The following HLCS variants were observed in gnomAD, a reference collection of about 807,000 sequenced individuals.
HLCS encodes biotin--protein ligase.
HLCS carries 53 observed loss-of-function variants against 75.0 expected under a neutral mutation model. That is an observed-to-expected ratio of 0.71 (90% CI 0.57 to 0.89). HLCS has a LOEUF of 0.89. HLCS is among the 40% of genes least tolerant of loss of function. HLCS has a pLI of 0.00. For synonymous variants in HLCS, 431 were observed against 428.6 expected (o/e 1.01, Z -0.07); for missense variants, 966 against 1,074.0 (o/e 0.90, Z 1.41).
At chr21:36,791,566 T>A (rs1891178186) in intron 6 of HLCS, among the ~76,000 whole-genome samples, 1 of 152,194 alleles carries the variant, frequency 6.6e-6, no homozygotes, top group Admixed American at 6.5e-5. Flanking sequence ...GCGACTTTTC[T>A]CTTACGGTGT....
At chr21:36,902,230 G>C (rs2065265136) in intron 5 of HLCS, among the ~76,000 whole-genome samples, 1 of 152,232 alleles carries the variant, frequency 6.6e-6, no homozygotes, top group Non-Finnish European at 1.5e-5. Context: ...TGGGGCAGTG[G>C]CTAGAGGGAG....
chr21:36,931,886 T>C (rs1294320181), intron 4 of HLCS, among the ~76,000 whole-genome samples: 2 of 152,266 alleles, frequency 1.3e-5, no homozygotes, highest in Non-Finnish European at 1.5e-5. Context: ...GGCCACTGTC[T>C]GTGGGTCCGT....
intron 5 of HLCS, among the ~76,000 whole-genome samples, chr21:36,928,358 C>T (rs551141465): frequency 1.3e-5 from 2 of 152,240 alleles, no homozygotes; most frequent in East Asian, 1.9e-4. Context: ...TGCTTGAACT[C>T]GGGAGTTCAA....
At chr21:36,903,534 G>GT (rs1262967615) in intron 5 of HLCS, among the ~76,000 whole-genome samples, 1 of 152,258 alleles carries the variant, frequency 6.6e-6, no homozygotes, top group Non-Finnish European at 1.5e-5. Flanking sequence ...GAGCTAAGAG[G>GT]TTATTCATCA....
At chr21:36,946,183 T>C (rs1286896978) in intron 2 of HLCS, 2 of 690,418 alleles carry the variant, frequency 2.9e-6, no homozygotes, top group Non-Finnish European at 3.6e-6. Context: ...GTGAAAAAAA[T>C]CTTAGACATT....
chr21:36,798,151 G>T (rs1338072650), intron 6 of HLCS, among the ~76,000 whole-genome samples: 4 of 152,172 alleles, frequency 2.6e-5, no homozygotes, highest in African/African-American at 7.2e-5. Context: ...GCGTGTGCTT[G>T]ACCTGAGGCC....
chr21:36,936,181 C>A (rs769227041), intron 4 of HLCS, among the ~76,000 whole-genome samples: 1 of 152,154 alleles, frequency 6.6e-6, no homozygotes, highest in Non-Finnish European at 1.5e-5. Flanking sequence ...TCTGACTAAG[C>A]CTCAGTTAAC....
Position 36,897,063 on chromosome 21 carries a change from G to A in HLCS, c.1689C>T (p.Gly563=). Residue 563 remains glycine, a synonymous_variant, in exon 6 of 11, where the codon GGC becomes GGT. Coordinates refer to ENST00000674895, the MANE Select transcript of HLCS (RefSeq NM_001352514.2). ...ATGAAACAAATCTAAGAGAGAGCTGGCCGGATTTTATTTCTCCCTCGGAGT... is the reference window on the plus strand; with the variant it reads ...ATGAAACAAATCTAAGAGAGAGCTGACCGGATTTTATTTCTCCCTCGGAGT... ...HVDSEGEIKS[G]QLSLRFVSSY... 1 of 1,614,088 alleles carries A rather than the reference G, an allele frequency of 6.2e-7. No homozygotes were observed. The highest frequency in any genetic ancestry group is 8.5e-7 in the Non-Finnish European group (1 of 1,179,978).
intron 5 of HLCS, among the ~76,000 whole-genome samples, chr21:36,907,483 C>A (rs1292871330): frequency 1.3e-5 from 2 of 152,038 alleles, no homozygotes; most frequent in Non-Finnish European, 2.9e-5. Flanking sequence ...TGGTGAAACC[C>A]CATCTCTACT....
chr21:36,797,352 A>G lies in HLCS; in HGVS notation c.1893-30067T>C, dbSNP rs80334732. 7.6e-3 allele frequency among the ~76,000 whole-genome samples: 1,152 copies of G among 152,158 alleles called. 5 individuals carry two copies. The highest frequency in any genetic ancestry group is 0.012 in the Non-Finnish European group (842 of 68,004). On this transcript the variant is annotated intron_variant, in intron 6 of 10. Transcript: ENST00000674895. The stretch of plus-strand genomic sequence containing the variant: ...TCCACAGTTGTTTTAATAGCATTTA[A>G]GACCAACATTTTATAAATATTATTA...
At chr21:36,940,374 G>A (rs1045531766) in intron 2 of HLCS, among the ~76,000 whole-genome samples, 1 of 151,654 alleles carries the variant, frequency 6.6e-6, no homozygotes, top group East Asian at 1.9e-4. Flanking sequence ...ATGAGTACTC[G>A]CTCTATCACC....
intron 6 of HLCS, among the ~76,000 whole-genome samples, chr21:36,807,810 T>C (rs1281011474): frequency 1.3e-5 from 2 of 152,146 alleles, no homozygotes; most frequent in East Asian, 3.9e-4. Context: ...ACACTCCCCT[T>C]CATTAAAGCA....
intron 1 of HLCS, among the ~76,000 whole-genome samples, chr21:36,965,474 T>G (rs931158178): frequency 5.9e-5 from 9 of 152,100 alleles, no homozygotes; most frequent in Admixed American, 5.9e-4. Flanking sequence ...TTACAGAGAT[T>G]AATTGACTGG....
chr21:36,763,878 G>C (rs1440741946), intron 8 of HLCS, among the ~76,000 whole-genome samples: 2 of 152,184 alleles, frequency 1.3e-5, no homozygotes, highest in Non-Finnish European at 2.9e-5. Context: ...AAGGAAGCAG[G>C]CACACGGGTC....
chr21:36,949,495 C>T (rs2067569966), intron 2 of HLCS, among the ~76,000 whole-genome samples: 2 of 152,306 alleles, frequency 1.3e-5, no homozygotes, highest in East Asian at 1.9e-4. Context: ...ATGGAGGCTC[C>T]AAGGTTTCTC....
chr21:36,949,287 C>G (rs755560821), intron 2 of HLCS, among the ~76,000 whole-genome samples: 4 of 152,244 alleles, frequency 2.6e-5, no homozygotes, highest in Non-Finnish European at 4.4e-5. Flanking sequence ...GGTAGAGTGA[C>G]TAAACCAGGG....
rs147827821 is a variant in HLCS, at chr21:36,851,561, T to C, written c.1892+45299A>G. Reference sequence around the variant, plus strand: ...CAGGGAGGTAGGTGGGGATGGTTAATGGGGACAAAATAGTAGTTAGAAAGA... The same window carrying C: ...CAGGGAGGTAGGTGGGGATGGTTAACGGGGACAAAATAGTAGTTAGAAAGA... On this transcript the variant is annotated intron_variant, in intron 6 of 10. Coordinates refer to ENST00000674895, the MANE Select transcript of HLCS (RefSeq NM_001352514.2). Among the ~76,000 whole-genome samples the C allele has an allele frequency of 5.8e-4, 89 of 152,168 alleles. No individual in the cohort carries two copies. In the East Asian group the frequency reaches 0.016, roughly 27 times the overall value.
Position 36,909,544 on chromosome 21 carries a change from C to T in HLCS, c.1621-12413G>A, listed in dbSNP as rs576240915. On this transcript the variant is annotated intron_variant, in intron 5 of 10. Coordinates refer to ENST00000674895, the MANE Select transcript of HLCS (RefSeq NM_001352514.2). ...GGTAAACATATTGCAGCATCTGCTA[C>T]AGACAGAGTGCAATTAAGATCAGAA... Among the ~76,000 whole-genome samples the T allele has an allele frequency of 4.6e-5, 7 of 152,296 alleles. 1 individual carries two copies. In the South Asian group the frequency reaches 1.5e-3, roughly 32 times the overall value.
intron 6 of HLCS, among the ~76,000 whole-genome samples, chr21:36,865,604 C>T (rs1404463226): frequency 2.0e-5 from 3 of 152,128 alleles, no homozygotes; most frequent in Non-Finnish European, 4.4e-5. Context: ...AGTCTTTGTA[C>T]CGTTTTGTTA....
Sources: gnomAD v4.1 joint callset for allele counts (sites outside exome capture counted in the v4.1 genomes callset) on GRCh38, gnomAD v4.1.1 for gene constraint, MANE v1.5 for transcripts, NCBI Gene and HGNC (gene_info 2026-07-23, HGNC 2026-07-21) for gene names.